NDUFA7: variants seen among roughly 807,000 people sequenced by gnomAD.
NDUFA7 encodes the protein NADH:ubiquinone oxidoreductase subunit A7, also known as NADH dehydrogenase [ubiquinone] 1 alpha subcomplex subunit 7.
NDUFA7 carries 18 observed loss-of-function variants against 14.2 expected under a neutral mutation model. The ratio of observed to expected loss-of-function variants is 1.27; its 90% confidence interval spans 0.88 to 1.88. The LOEUF (loss-of-function observed/expected upper bound fraction) is 1.88. NDUFA7 is among the 40% of genes most tolerant of loss of function. The pLI is 0.00. For missense variants in NDUFA7, 172 were observed against 147.3 expected (o/e 1.17, Z -0.87); for synonymous variants, 75 against 62.1 (o/e 1.21, Z -0.98).
chr19:8,311,892 T>C (rs4147650), intron 3 of NDUFA7, among the ~76,000 whole-genome samples: 17,486 of 152,036 alleles, frequency 0.12, 2,052 homozygotes, highest in African/African-American at 0.3. Context: ...CCACTTTTGG[T>C]CTCCAGCGTA....
chr19:8,318,925 C>A (rs908556636), intron 2 of NDUFA7, among the ~76,000 whole-genome samples: 2 of 149,650 alleles, frequency 1.3e-5, no homozygotes, highest in East Asian at 2.0e-4. Context: ...GATCTCAGAT[C>A]CGCCACTGCA....
intron 3 of NDUFA7, among the ~76,000 whole-genome samples, chr19:8,315,594 T>C (rs1294852467): frequency 1.3e-5 from 2 of 152,148 alleles, no homozygotes; most frequent in East Asian, 3.9e-4. Context: ...ACTATTATCC[T>C]ATGATCCTGC....
At chr19:8,314,842 G>A (rs1970215350) in intron 3 of NDUFA7, among the ~76,000 whole-genome samples, 1 of 151,010 alleles carries the variant, frequency 6.6e-6, no homozygotes, top group Non-Finnish European at 1.5e-5. Flanking sequence ...GAACCCCTGG[G>A]AGGCAGAGCT....
chr19:8,319,269 G>C (rs1458178554), intron 2 of NDUFA7: 2 of 151,868 alleles, frequency 1.3e-5, no homozygotes, highest in African/African-American at 2.4e-5. Flanking sequence ...TAACGTTAAA[G>C]TTGAAAACAA....
Position 8,320,990 on chromosome 19 carries a change from G to A in NDUFA7, c.52-84C>T, listed in dbSNP as rs1188496856. The A allele has an allele frequency of 4.1e-6, 6 of 1,466,294 alleles. No individual in the cohort carries two copies. The East Asian group carries it at 1.4e-4, about 33-fold the overall frequency. 90.8% of individuals were successfully genotyped at this position (1,466,294 alleles called of 1,614,324 possible). A position where few individuals can be genotyped will look rare whatever the true frequency, so the allele number is the denominator to read the frequency against. On this transcript the variant is annotated intron_variant, in intron 1 of 3. Coordinates refer to ENST00000301457, the MANE Select transcript of NDUFA7 (RefSeq NM_005001.5). ...GAGGGCAAGGGACCAGGGATGGTCC[G>A]GGGATGCGCATTTTAAGGGAAGGCA...
At chr19:8,309,622 T>C (rs1970151074), downstream of NDUFA7, among the ~76,000 whole-genome samples, 1 of 152,140 alleles carries the variant, frequency 6.6e-6, no homozygotes, top group Non-Finnish European at 1.5e-5. Context: ...TTCATCCTTT[T>C]GCCCCAAGCA....
At chr19:8,313,005 C>T (rs1970195444) in intron 3 of NDUFA7, among the ~76,000 whole-genome samples, 1 of 152,140 alleles carries the variant, frequency 6.6e-6, no homozygotes, top group African/African-American at 2.4e-5. Flanking sequence ...CCCTGTTGGC[C>T]AGGCTGGTGT....
chr19:8,314,576 G>A (rs1056904476), intron 3 of NDUFA7, among the ~76,000 whole-genome samples: 3 of 151,756 alleles, frequency 2.0e-5, no homozygotes, highest in Non-Finnish European at 4.4e-5. Flanking sequence ...GAACGGCCTG[G>A]GCAACAAAGC....
At position 8,320,905 on chromosome 19, in the gene NDUFA7, T is replaced by C. The variant is rs773718289; in HGVS notation, c.53A>G (p.His18Arg). 6.2e-7 allele frequency: 1 copy of C among 1,613,670 alleles called. No individual in the cohort carries two copies. Among genetic ancestry groups the C allele is most frequent in the Non-Finnish European group, 8.5e-7 (1 of 1,179,994 alleles). Reference protein sequence around the residue: ...IQRLRNWASGHDLQGKLQLRY... With the variant: ...IQRLRNWASGRDLQGKLQLRY... ...TAGCTGCAGCTTCCCCTGCAGGTCA[T>C]GCTGTGGGAAGAGGAGAGGAGAGGT... Residue 18 changes from histidine to arginine, a missense_variant and splice_region_variant, in exon 2 of 4, where the codon CAT becomes CGT. Coordinates refer to ENST00000301457, the MANE Select transcript of NDUFA7 (RefSeq NM_005001.5).
At chr19:8,310,976 T>G (rs1970170122), downstream of NDUFA7, among the ~76,000 whole-genome samples, 1 of 152,178 alleles carries the variant, frequency 6.6e-6, no homozygotes, top group Non-Finnish European at 1.5e-5. Flanking sequence ...ATCGTGCCGT[T>G]GCGTTCCAGC....
chr19:8,317,028 A>C (rs1159193326), intron 2 of NDUFA7, among the ~76,000 whole-genome samples: 1 of 152,150 alleles, frequency 6.6e-6, no homozygotes, highest in Non-Finnish European at 1.5e-5. Flanking sequence ...TTTCCCCTAA[A>C]GCCAGGCTCT....
chr19:8,319,979 G>A (rs1260248045), intron 2 of NDUFA7, among the ~76,000 whole-genome samples: 1 of 152,072 alleles, frequency 6.6e-6, no homozygotes, highest in African/African-American at 2.4e-5. Context: ...CCGAGTAGCT[G>A]GGACTACCCG....
intron 1 of NDUFA7, 25 bp from the exon 2 acceptor site, chr19:8,320,931 C>T: frequency 6.2e-7 from 1 of 1,613,420 alleles, no homozygotes. Context: ...GAGGAGAGGT[C>T]GGCCTGCAAG....
chr19:8,314,468 G>A (rs1453483288), intron 3 of NDUFA7, among the ~76,000 whole-genome samples: 1 of 151,988 alleles, frequency 6.6e-6, no homozygotes, highest in Admixed American at 6.6e-5. Flanking sequence ...CCCCTGGGTT[G>A]GACTAAATGA....
At chr19:8,314,714 C>T (rs1481013026) in intron 3 of NDUFA7, among the ~76,000 whole-genome samples, 1 of 152,200 alleles carries the variant, frequency 6.6e-6, no homozygotes, top group Non-Finnish European at 1.5e-5. Flanking sequence ...GAGATCAAGA[C>T]CATCCTGGCT....
intron 3 of NDUFA7, 77 bp from the exon 4 acceptor site, chr19:8,311,672 G>T: frequency 8.0e-7 from 1 of 1,245,280 alleles, no homozygotes; most frequent in Non-Finnish European, 1.1e-6. Context: ...CACCTGCCCC[G>T]GGACAAACAC....
intron 2 of NDUFA7, among the ~76,000 whole-genome samples, chr19:8,317,823 C>G (rs1970253530): frequency 6.6e-6 from 1 of 152,138 alleles, no homozygotes; most frequent in South Asian, 2.1e-4. Flanking sequence ...ACTACCACAT[C>G]TGGCTAAAAA....
chr19:8,312,173 CCT>C (rs1422765122), intron 3 of NDUFA7, among the ~76,000 whole-genome samples: 1 of 152,194 alleles, frequency 6.6e-6, no homozygotes, highest in Admixed American at 6.5e-5. Context: ...CCCAGGAGAC[CCT>C]GTGCCGGCAA....
At chr19:8,309,332 G>C (rs1436077890), downstream of NDUFA7, among the ~76,000 whole-genome samples, 1 of 152,024 alleles carries the variant, frequency 6.6e-6, no homozygotes, top group Non-Finnish European at 1.5e-5. Flanking sequence ...AAATTAGCCG[G>C]GTGTGGTAAC....
Sources: gnomAD v4.1 joint callset for allele counts (sites outside exome capture counted in the v4.1 genomes callset) on GRCh38, gnomAD v4.1.1 for gene constraint, MANE v1.5 for transcripts, NCBI Gene and HGNC (gene_info 2026-07-23, HGNC 2026-07-21) for gene names.